The following TCP11 variants were observed in gnomAD, a reference collection of about 807,000 sequenced individuals.
The protein encoded by TCP11 is T-complex protein 11 homolog.
Under a neutral mutation model 45.0 loss-of-function variants are expected in TCP11, and 34 were observed. The observed-to-expected ratio is 0.76, with a 90% CI of 0.57 to 1.01. The LOEUF (loss-of-function observed/expected upper bound fraction) is 1.01, where lower values mean the gene tolerates loss of function less well. TCP11 is among the 50% of genes least tolerant of loss of function. The probability of loss-of-function intolerance (pLI) is 0.00; values close to 1 mark genes in which losing one functional copy is unlikely to be tolerated. For missense variants in TCP11, 523 were observed against 598.1 expected (o/e 0.87, Z 1.31); for synonymous variants, 227 against 227.0 (o/e 1.00, Z 0.00).
chr6:35,139,986 TTGTG>T (rs774686200), intron 2 of TCP11: 2 of 1,610,794 alleles, frequency 1.2e-6, no homozygotes, highest in African/African-American at 2.7e-5. Context: ...AAAACTTAAA[TTGTG>T]TGTACAAAAA....
chr6:35,135,275 A>G (rs1237608840), intron 3 of TCP11, among the ~76,000 whole-genome samples: 1 of 152,336 alleles, frequency 6.6e-6, no homozygotes, highest in East Asian at 1.9e-4. Flanking sequence ...CTTGGAGGAA[A>G]GCCAGCTGCC....
intron 2 of TCP11, chr6:35,137,978 CAGG>C (rs1781290866): frequency 2.9e-6 from 1 of 344,212 alleles, no homozygotes; most frequent in South Asian, 2.4e-5. Context: ...AAAAGTTACA[CAGG>C]AGAATGCCCC....
chr6:35,133,615 C>G (rs940761074), intron 3 of TCP11, among the ~76,000 whole-genome samples: 16 of 152,126 alleles, frequency 1.1e-4, no homozygotes, highest in African/African-American at 3.6e-4. Flanking sequence ...CATGGTGAAA[C>G]CCCACCTCTG....
In TCP11 at chr6:35,120,120, A is replaced by G. The variant is rs760777750; in HGVS notation, c.1115+39T>C. 1.3e-6 allele frequency: 2 copies of G among 1,598,684 alleles called. No individual in the cohort carries two copies. The highest frequency in any genetic ancestry group is 2.2e-5 in the East Asian group (1 of 44,810). The stretch of plus-strand genomic sequence containing the variant: ...TACCTGCCTATGTTCTAAATACCAC[A>G]TATCACCTTCTACTCTAAAAAGTAA... On this transcript the variant is annotated intron_variant, in intron 8 of 9. Coordinates refer to ENST00000311875, the MANE Select transcript of TCP11 (RefSeq NM_001370687.1). The surrounding 1 kb of genome is among the most constrained non-coding windows in gnomAD (Gnocchi z 4.9).
At chr6:35,121,821 GA>G (rs61313333) in intron 5 of TCP11, among the ~76,000 whole-genome samples, 27,186 of 130,208 alleles carry the variant, frequency 0.21, 3,024 homozygotes, top group African/African-American at 0.33. Flanking sequence ...AAAAAAGAAA[GA>G]AAAAAAAAAA....
Position 35,140,826 on chromosome 6 carries a change from G to A in TCP11, c.45C>T (p.Asp15=), listed in dbSNP as rs1781671789. ...CGGGCTTACAGGACCTGCCCTCTGAGTCGCCAGGATATTTCGGGGGCACAC... is the reference window on the plus strand; with the variant it reads ...CGGGCTTACAGGACCTGCCCTCTGAATCGCCAGGATATTTCGGGGGCACAC... ...KESVPPKYPG[D]SEGRSCKPET... Residue 15 remains aspartate (D), a synonymous_variant, in exon 2 of 10, where the codon GAC becomes GAT. Coordinates refer to ENST00000311875, the MANE Select transcript of TCP11 (RefSeq NM_001370687.1). 6.4e-7 allele frequency: 1 copy of A among 1,555,014 alleles called. No individual in the cohort carries two copies. Among genetic ancestry groups the A allele is most frequent in the Non-Finnish European group, 8.7e-7 (1 of 1,155,150 alleles).
intron 4 of TCP11, among the ~76,000 whole-genome samples, chr6:35,128,081 TCA>T (rs1184041853): frequency 1.3e-5 from 2 of 152,208 alleles, no homozygotes; most frequent in African/African-American, 2.4e-5. Flanking sequence ...ATTTATGATC[TCA>T]GTTACTGTGG....
At chr6:35,130,300 C>T (rs1424128821) in intron 3 of TCP11, among the ~76,000 whole-genome samples, 2 of 152,052 alleles carry the variant, frequency 1.3e-5, no homozygotes, top group Admixed American at 1.3e-4. Flanking sequence ...TTGGTGATGA[C>T]CTTTTAGATA....
intron 4 of TCP11, among the ~76,000 whole-genome samples, chr6:35,123,130 A>T (rs1328650732): frequency 6.6e-6 from 1 of 152,172 alleles, no homozygotes; most frequent in Non-Finnish European, 1.5e-5. Context: ...TGCAAGAGAA[A>T]AGGGCCTTCC....
At chr6:35,139,635 G>A (rs9348965) in intron 2 of TCP11, among the ~76,000 whole-genome samples, 6,509 of 152,184 alleles carry the variant, frequency 0.043, 291 homozygotes, top group East Asian at 0.23. Context: ...GCTTATTGAG[G>A]GACGGAGGGA....
chr6:35,140,402 TTCCCG>T (rs1781594971), intron 2 of TCP11: 1 of 522,784 alleles, frequency 1.9e-6, no homozygotes, highest in Non-Finnish European at 3.5e-6. Flanking sequence ...GAAAACCCAA[TTCCCG>T]TCTGGGATCA....
intron 1 of TCP11, 30 bp from the exon 2 acceptor site, chr6:35,140,914 C>A: frequency 7.1e-7 from 1 of 1,409,840 alleles, no homozygotes; most frequent in Non-Finnish European, 9.3e-7. Flanking sequence ...GTGTTGTTGG[C>A]GTCGGGGAAG....
chr6:35,118,618 C>T (rs2127634066), intron 9 of TCP11, 117 bp from the exon 10 acceptor site: 2 of 843,778 alleles, frequency 2.4e-6, no homozygotes, highest in Non-Finnish European at 1.8e-6. Flanking sequence ...AACCTGCCCC[C>T]CTACCTAGAG....
At chr6:35,141,152 C>A in intron 1 of TCP11, 53 bp downstream of exon 1, 1 of 1,317,642 alleles carries the variant, frequency 7.6e-7, no homozygotes, top group Non-Finnish European at 9.7e-7. Flanking sequence ...GGCGAGGTGC[C>A]CCCCTCGCCC....
intron 4 of TCP11, among the ~76,000 whole-genome samples, chr6:35,127,248 T>G (rs1382424282): frequency 6.6e-6 from 1 of 152,084 alleles, no homozygotes; most frequent in Non-Finnish European, 1.5e-5. Flanking sequence ...TGAGTACCAA[T>G]GAGAAATTGG....
rs1781678671 is a variant in TCP11, at chr6:35,140,853, C to T, written c.18G>A (p.Glu6=). The T allele has an allele frequency of 1.3e-6, 2 of 1,576,376 alleles. No individual in the cohort carries two copies. The highest frequency in any genetic ancestry group is 1.4e-5 in the African/African-American group (1 of 73,128). The change falls in exon 2 of 10, where the codon GAG becomes GAA. Residue 6 remains glutamate, a synonymous_variant. Transcript: ENST00000311875. MPDVK[E]SVPPKYPGDS... ...CGCCAGGATATTTCGGGGGCACACT[C>T]TCCTTGACGTCTGGCATTTTGCTGA...
At chr6:35,140,245 C>T (rs939415663) in intron 2 of TCP11, 12 of 1,491,510 alleles carry the variant, frequency 8.0e-6, no homozygotes, top group Non-Finnish European at 7.2e-6. Context: ...AAGAGAAATA[C>T]AGCATGAGTC....
At chr6:35,121,522 G>A (rs1234689139) in intron 5 of TCP11, among the ~76,000 whole-genome samples, 1 of 151,828 alleles carries the variant, frequency 6.6e-6, no homozygotes, top group Non-Finnish European at 1.5e-5. Context: ...ACCTGGGAAA[G>A]GGCCCGAGGG....
At chr6:35,136,239 GC>G in intron 2 of TCP11, 21 bp from the exon 3 acceptor site, 1 of 1,578,610 alleles carries the variant, frequency 6.3e-7, no homozygotes, top group Non-Finnish European at 8.7e-7. Flanking sequence ...ACAACAATGA[GC>G]CCATGCAAGT....
Sources: gnomAD v4.1 joint callset for allele counts (sites outside exome capture counted in the v4.1 genomes callset) on GRCh38, gnomAD v4.1.1 for gene constraint, Gnocchi (gnomAD v3.1) non-coding constraint, MANE v1.5 for transcripts, NCBI Gene and HGNC (gene_info 2026-07-23, HGNC 2026-07-21) for gene names.